The following NRBP2 variants were observed in gnomAD, a reference collection of about 807,000 sequenced individuals.
NRBP2 encodes nuclear receptor-binding protein 2.
A neutral mutation model predicts 74.4 loss-of-function variants in NRBP2; 47 were observed. The observed-to-expected ratio is 0.63, with a 90% CI of 0.50 to 0.81. NRBP2 has a LOEUF of 0.81. NRBP2 is among the 30% of genes least tolerant of loss of function. The pLI, the probability that NRBP2 is intolerant of heterozygous loss-of-function variation, is 0.00. For missense variants in NRBP2, 613 were observed against 690.1 expected (o/e 0.89, Z 1.25); for synonymous variants, 312 against 273.8 (o/e 1.14, Z -1.38).
At position 143,837,920 on chromosome 8, in the gene NRBP2, G is replaced by C; in HGVS notation, c.841-165C>G. The C allele has an allele frequency of 1.2e-6, 1 of 831,340 alleles. No individual in the cohort carries two copies. Among genetic ancestry groups the C allele is most frequent in the Non-Finnish European group, 2.0e-6 (1 of 502,974 alleles). The allele number at this position is 831,340 out of a possible 1,614,324, so 51.5% of individuals were successfully genotyped here. On this transcript the variant is annotated intron_variant, in intron 10 of 17. Transcript: ENST00000442628. The surrounding 1 kb of genome is among the most constrained non-coding windows in gnomAD (Gnocchi z 4.3). ...GTCCCAGCAGCAGCAGCCAGGCCAG[G>C]ACCTGGTCCTCTGAGCTTGAGGACA...
rs547870134 is a variant in NRBP2 at position 143,833,633 on chromosome 8, CAAAA to C, written c.*2025_*2028del. 6.9e-6 allele frequency: 1 copy of C among 144,662 alleles called. No homozygotes were observed. The highest frequency in any genetic ancestry group is 2.2e-4 in the South Asian group (1 of 4,556). 9.0% of individuals were successfully genotyped at this position (144,662 alleles called of 1,614,324 possible). On this transcript the variant is annotated 3_prime_UTR_variant, in exon 18 of 18. Coordinates refer to ENST00000442628, the MANE Select transcript of NRBP2 (RefSeq NM_178564.4). ...TGCATTTATTATTTATTATTGGCCT[CAAAA>C]AAAAAACTATTCTACTTTAAAAACA...
downstream of NRBP2, among the ~76,000 whole-genome samples, chr8:143,832,145 T>C (rs1285750431): frequency 1.3e-5 from 2 of 152,284 alleles, no homozygotes; most frequent in South Asian, 2.1e-4. Flanking sequence ...CTCTGAAACA[T>C]GTGCTGTGTC....
rs1818612431 is a variant in NRBP2 at position 143,839,757 on chromosome 8, GTTC to G, written c.420_422del (p.Lys140del). On this transcript the variant is annotated inframe_deletion, in exon 4 of 18. Transcript: ENST00000442628. The surrounding 1 kb of genome is among the most constrained non-coding windows in gnomAD (Gnocchi z 5.1). ...ATACCCGGGCGTTCATGGCCTTGTG[GTTC>G]TTCTTGGTCTTTTTGAGGAATTGCT... is the stretch of plus-strand genomic sequence containing the variant. The G allele has an allele frequency of 2.0e-6, 3 of 1,536,058 alleles. No homozygotes were observed. The highest frequency in any genetic ancestry group is 1.7e-6 in the Non-Finnish European group (2 of 1,146,864).
rs147163702 is a variant in NRBP2, at chr8:143,838,198, A to T, written c.841-443T>A. 3.1e-5 allele frequency: 12 copies of T among 388,744 alleles called. No homozygotes were observed. In the East Asian group the frequency reaches 7.9e-4, roughly 26 times the overall value. The allele number at this position is 388,744 out of a possible 1,614,324, so 24.1% of individuals were successfully genotyped here. On this transcript the variant is annotated intron_variant, in intron 10 of 17. Coordinates refer to ENST00000442628, the MANE Select transcript of NRBP2 (RefSeq NM_178564.4). ...CTCCTGAGGCCATGGAGTTAAGTCT[A>T]GACTCCGAGCAGAGGGGGCTGTGGA...
At chr8:143,830,199 G>T (rs1554649732), downstream of NRBP2, among the ~76,000 whole-genome samples, 1 of 152,230 alleles carries the variant, frequency 6.6e-6, no homozygotes, top group African/African-American at 2.4e-5. Context: ...ATAGGAAAGG[G>T]GTTTTATAAA....
Position 143,836,042 on chromosome 8 carries a change from G to C in NRBP2, c.1318-12C>G. 2 of 1,562,838 alleles carry C rather than the reference G, an allele frequency of 1.3e-6. No homozygotes were observed. Among genetic ancestry groups the C allele is most frequent in the Non-Finnish European group, 1.7e-6 (2 of 1,156,776 alleles). On this transcript the variant is annotated splice_polypyrimidine_tract_variant and intron_variant, in intron 15 of 17. Coordinates refer to ENST00000442628, the MANE Select transcript of NRBP2 (RefSeq NM_178564.4). ...AGAAGCAGAGTGAGCTGGGGAGGCG[G>C]CGGGGCGTGGTCGGCTGGGGGTTCA...
Position 143,840,770 on chromosome 8 carries a change from C to T in NRBP2, c.65G>A (p.Ser22Asn), listed in dbSNP as rs1554653524. The T allele has an allele frequency of 6.6e-7, 1 of 1,512,478 alleles. No homozygotes were observed. Among genetic ancestry groups the T allele is most frequent in the African/African-American group, 1.4e-5 (1 of 69,962 alleles). The allele number at this position is 1,512,478 out of a possible 1,614,324, so 93.7% of individuals were successfully genotyped here. A position where few individuals can be genotyped will look rare whatever the true frequency, so the allele number is the denominator to read the frequency against. The change falls in exon 1 of 18, where the codon AGC becomes AAC. Residue 22 changes from serine to asparagine, a missense_variant. Ser to Asn is a conservative substitution (Grantham distance 46, BLOSUM62 1). Around this residue, in one of 2 missense-constraint regions of NRBP2, gnomAD observed 332 missense variants for 429.2 expected, o/e 0.77. Coordinates refer to ENST00000442628, the MANE Select transcript of NRBP2 (RefSeq NM_178564.4). The surrounding 1 kb of genome is among the most constrained non-coding windows in gnomAD (Gnocchi z 5.7). ...REREREREDESEDESDILEES... is the reference protein window; with the variant it reads ...REREREREDENEDESDILEES... The stretch of plus-strand genomic sequence containing the variant: ...CTCCAGGATGTCGCTCTCGTCCTCG[C>T]TCTCGTCCTCCCGCTCCCGCTCCCG...
chr8:143,836,725 G>C (rs1244511504), intron 14 of NRBP2, among the ~76,000 whole-genome samples: 6 of 148,822 alleles, frequency 4.0e-5, no homozygotes, highest in South Asian at 2.2e-4. Context: ...GTGCGGGGGT[G>C]GGGGAAGATT....
chr8:143,831,220 C>G (rs1464202177), downstream of NRBP2, among the ~76,000 whole-genome samples: 1 of 152,254 alleles, frequency 6.6e-6, no homozygotes, highest in Non-Finnish European at 1.5e-5. Flanking sequence ...ATGGATACAG[C>G]TGTTACCCCA....
downstream of NRBP2, among the ~76,000 whole-genome samples, chr8:143,832,659 A>G (rs1818205001): frequency 6.6e-6 from 1 of 152,234 alleles, no homozygotes. Context: ...CACAGCACTT[A>G]ATCGTTTACA....
chr8:143,840,940 G>A lies in NRBP2; in HGVS notation c.-106C>T. On this transcript the variant is annotated 5_prime_UTR_variant, in exon 1 of 18. Coordinates refer to ENST00000442628, the MANE Select transcript of NRBP2 (RefSeq NM_178564.4). The surrounding 1 kb of genome is among the most constrained non-coding windows in gnomAD (Gnocchi z 5.7). ...CAGCAGCCCAGCCTAGAGCCGCCGC[G>A]GCAGCCTAGAGCCCCAGCCCCGGCT... 8.6e-7 allele frequency: 1 copy of A among 1,162,334 alleles called. No homozygotes were observed. The allele number at this position is 1,162,334 out of a possible 1,614,324, so 72.0% of individuals were successfully genotyped here.
Position 143,840,778 on chromosome 8 carries a change from C to T in NRBP2, c.57G>A (p.Glu19=), listed in dbSNP as rs782285220. 39 of 1,506,088 alleles carry T rather than the reference C, an allele frequency of 2.6e-5. No individual in the cohort carries two copies. Among genetic ancestry groups the T allele is most frequent in the Non-Finnish European group, 3.5e-6 (4 of 1,133,448 alleles). The allele number at this position is 1,506,088 out of a possible 1,614,324, so 93.3% of individuals were successfully genotyped here. Residue 19 remains glutamate, a synonymous_variant, in exon 1 of 18, where the codon GAG becomes GAA. Coordinates refer to ENST00000442628, the MANE Select transcript of NRBP2 (RefSeq NM_178564.4). This position sits in a 1 kb window ranked among gnomAD's most constrained non-coding sequence, Gnocchi z 5.7. The part of the protein sequence containing the change: ...RRARERERER[E]DESEDESDIL... ...TGTCGCTCTCGTCCTCGCTCTCGTC[C>T]TCCCGCTCCCGCTCCCGTTCCCGGG...
chr8:143,838,977 G>A (rs1554652693), intron 8 of NRBP2, 39 bp from the exon 9 acceptor site: 13 of 1,568,972 alleles, frequency 8.3e-6, no homozygotes, highest in South Asian at 3.5e-5. Context: ...GGAGAGAAGC[G>A]CAGGGTAGGC....
At chr8:143,832,266 A>G (rs1031956251), downstream of NRBP2, among the ~76,000 whole-genome samples, 6 of 151,744 alleles carry the variant, frequency 4.0e-5, no homozygotes, top group Non-Finnish European at 8.8e-5. Context: ...TCAAGTACCC[A>G]GGGACACAAA....
Position 143,840,049 on chromosome 8 carries a change from C to G in NRBP2, c.253-19G>C. 6.5e-7 allele frequency: 1 copy of G among 1,536,076 alleles called. No homozygotes were observed. The highest frequency in any genetic ancestry group is 1.4e-5 in the African/African-American group (1 of 73,154). On this transcript the variant is annotated intron_variant, in intron 2 of 17. Coordinates refer to ENST00000442628, the MANE Select transcript of NRBP2 (RefSeq NM_178564.4). The surrounding 1 kb of genome is among the most constrained non-coding windows in gnomAD (Gnocchi z 5.7). ...TCTTCTCCTGGGGAGGGAGGGTGGT[C>G]GCTGGGTGGTCAGCAGGTGGTCACC...
rs1554652881 is a variant in NRBP2, at chr8:143,839,209, G to A, written c.581-14C>T. 4 of 1,531,586 alleles carry A rather than the reference G, an allele frequency of 2.6e-6. No individual in the cohort carries two copies. The highest frequency in any genetic ancestry group is 3.5e-6 in the Non-Finnish European group (4 of 1,143,562). 94.9% of individuals were successfully genotyped at this position (1,531,586 alleles called of 1,614,324 possible). The stretch of plus-strand genomic sequence containing the variant: ...TTCGGTGCCACACTGCCAAGGGGCG[G>A]GAGAAAGAGTGGAGTTAGCTGCTGG... On this transcript the variant is annotated splice_polypyrimidine_tract_variant and intron_variant, in intron 6 of 17. Transcript: ENST00000442628. The surrounding 1 kb of genome is among the most constrained non-coding windows in gnomAD (Gnocchi z 5.1).
At position 143,838,841 on chromosome 8, in the gene NRBP2, T is replaced by TAGG. The variant is rs781808716; in HGVS notation, c.744+39_744+41dup. The TAGG allele has an allele frequency of 3.7e-6, 6 of 1,612,476 alleles. No homozygotes were observed. The South Asian group carries it at 6.6e-5, about 18-fold the overall frequency. ...ACAGGTGAGCCAGGCAGGGCACAGT[T>TAGG]AGGAGGAGGGCAGAGCACAAGGTGG... On this transcript the variant is annotated intron_variant, in intron 9 of 17. Coordinates refer to ENST00000442628, the MANE Select transcript of NRBP2 (RefSeq NM_178564.4).
chr8:143,832,637 C>T (rs1370639292), downstream of NRBP2, among the ~76,000 whole-genome samples: 1 of 152,220 alleles, frequency 6.6e-6, no homozygotes, highest in African/African-American at 2.4e-5. Flanking sequence ...TATGTGTATG[C>T]ATATCTAAAA....
chr8:143,832,995 C>T (rs1191878744), downstream of NRBP2, among the ~76,000 whole-genome samples: 2 of 152,188 alleles, frequency 1.3e-5, no homozygotes, highest in South Asian at 4.1e-4. Context: ...TTCCTATGCA[C>T]CCTCTCAGGA....
Sources: gnomAD v4.1 joint callset for allele counts (sites outside exome capture counted in the v4.1 genomes callset) on GRCh38, gnomAD v4.1.1 for gene constraint, gnomAD v4.1.1 regional missense constraint, Gnocchi (gnomAD v3.1) non-coding constraint, MANE v1.5 for transcripts, NCBI Gene and HGNC (gene_info 2026-07-23, HGNC 2026-07-21) for gene names.